Variants in RGS5 observed in about 807,000 individuals in gnomAD.
RGS5 encodes the protein regulator of G protein signaling 5.
Under a neutral mutation model 18.9 loss-of-function variants are expected in RGS5, and 20 were observed. The ratio of observed to expected loss-of-function variants is 1.06; its 90% CI spans 0.74 to 1.54. RGS5 has a LOEUF of 1.54. Among genes scored for constraint, RGS5 ranks in the 40% most tolerant of loss-of-function variants. The pLI, the probability that RGS5 is intolerant of heterozygous loss-of-function variation, is 0.00. For missense variants in RGS5, 201 were observed against 211.8 expected, an observed-to-expected ratio of 0.95 and a Z score of 0.32; for synonymous variants, 57 against 76.2, an observed-to-expected ratio of 0.75 and a Z score of 1.31.
At chr1:163,267,852 C>T (rs1222759096) in intron 2 of RGS5, among the ~76,000 whole-genome samples, 1 of 151,944 alleles carries the variant, frequency 6.6e-6, no homozygotes, top group Non-Finnish European at 1.5e-5. Flanking sequence ...TGATGCCTAC[C>T]CTTCATAAAT....
At chr1:163,315,179 T>C (rs1649988055) in intron 1 of RGS5, among the ~76,000 whole-genome samples, 1 of 152,258 alleles carries the variant, frequency 6.6e-6, no homozygotes, top group East Asian at 1.9e-4. Flanking sequence ...GTATTTTTCC[T>C]GAGAATCTCA....
intron 1 of RGS5, among the ~76,000 whole-genome samples, chr1:163,180,237 A>C (rs561259502): frequency 6.6e-6 from 1 of 152,226 alleles, no homozygotes; most frequent in Admixed American, 6.5e-5. Flanking sequence ...CGGCCTCCTC[A>C]AGTGCTGGAA....
chr1:163,147,582 C>A, intron 4 of RGS5, 79 bp from the exon 5 acceptor site: 1 of 1,271,694 alleles, frequency 7.9e-7, no homozygotes, highest in Non-Finnish European at 1.1e-6. Flanking sequence ...GGTGGAATTT[C>A]TCATCAATAA....
At chr1:163,270,153 G>C (rs1648680680) in intron 2 of RGS5, among the ~76,000 whole-genome samples, 1 of 151,896 alleles carries the variant, frequency 6.6e-6, no homozygotes, top group South Asian at 2.1e-4. Context: ...ATGCACTTGG[G>C]GTCACTTCCT....
intron 1 of RGS5, among the ~76,000 whole-genome samples, chr1:163,202,464 G>A (rs1659809956): frequency 6.6e-6 from 1 of 152,094 alleles, no homozygotes; most frequent in Admixed American, 6.6e-5. Context: ...TTCTAATCTA[G>A]ACAGTTTAAT....
At chr1:163,302,334 G>A (rs1649574352) in intron 2 of RGS5, among the ~76,000 whole-genome samples, 1 of 152,110 alleles carries the variant, frequency 6.6e-6, no homozygotes, top group South Asian at 2.1e-4. Flanking sequence ...TCATACAGAA[G>A]GAGAATGTGG....
intron 2 of RGS5, among the ~76,000 whole-genome samples, chr1:163,287,930 C>T (rs1362820969): frequency 6.6e-6 from 1 of 152,208 alleles, no homozygotes; most frequent in African/African-American, 2.4e-5. Flanking sequence ...GTAATTTGCA[C>T]TGCATTCCCT....
chr1:163,200,877 T>A (rs1453313863), intron 1 of RGS5, among the ~76,000 whole-genome samples: 1 of 152,152 alleles, frequency 6.6e-6, no homozygotes, highest in Non-Finnish European at 1.5e-5. Flanking sequence ...AATAAAGTGA[T>A]CCAATATTAA....
chr1:163,159,796 C>T (rs1489716401), intron 3 of RGS5, among the ~76,000 whole-genome samples: 1 of 152,110 alleles, frequency 6.6e-6, no homozygotes, highest in Non-Finnish European at 1.5e-5. Context: ...CATACACATA[C>T]ATACTACATA....
chr1:163,249,201 T>A (rs10799904), intron 2 of RGS5, among the ~76,000 whole-genome samples: 1 of 151,234 alleles, frequency 6.6e-6, no homozygotes, highest in Admixed American at 6.6e-5. Flanking sequence ...TTCACTTCAA[T>A]ATTATCTTCT....
chr1:163,243,661 A>AAAC (rs1553223269), intron 2 of RGS5, among the ~76,000 whole-genome samples: 3 of 151,100 alleles, frequency 2.0e-5, no homozygotes, highest in Non-Finnish European at 4.4e-5. Context: ...AAAAAAAAAA[A>AAAC]AAAACCTAGA....
intron 2 of RGS5, among the ~76,000 whole-genome samples, chr1:163,223,349 C>G (rs963023043): frequency 6.6e-6 from 1 of 152,176 alleles, no homozygotes; most frequent in African/African-American, 2.4e-5. Context: ...GTGGCATCTC[C>G]TACTGCAATC....
intron 1 of RGS5, among the ~76,000 whole-genome samples, chr1:163,311,892 A>G (rs1649873507): frequency 6.6e-6 from 1 of 152,254 alleles, no homozygotes. Context: ...TGGGGTTGCC[A>G]CATACCTTTA....
rs141252774 is a variant in RGS5 at position 163,197,068 on chromosome 1, A to G, written c.44+5724T>C. Reference sequence around the variant, plus strand: ...CCCTGAATAAATCTCTTCCATCCTCAGAGTTGGGAACAGATGAGCACTGGA... The same window carrying G: ...CCCTGAATAAATCTCTTCCATCCTCGGAGTTGGGAACAGATGAGCACTGGA... On this transcript the variant is annotated intron_variant, in intron 1 of 4. Transcript: ENST00000313961. Among the ~76,000 whole-genome samples the G allele has an allele frequency of 5.3e-5, 8 of 152,292 alleles. No individual in the cohort carries two copies. In the East Asian group the frequency reaches 1.5e-3, roughly 29 times the overall value.
chr1:163,288,566 C>CT (rs1649202742), intron 2 of RGS5, among the ~76,000 whole-genome samples: 2 of 152,214 alleles, frequency 1.3e-5, no homozygotes, highest in South Asian at 2.1e-4. Flanking sequence ...TCTATTGATT[C>CT]TTTTTTTCCT....
intron 2 of RGS5, among the ~76,000 whole-genome samples, chr1:163,274,310 A>G (rs1648796425): frequency 7.4e-6 from 1 of 134,626 alleles, no homozygotes; most frequent in African/African-American, 2.5e-5. Flanking sequence ...AAGAGAAGGG[A>G]GCTGGAGATT....
chr1:163,231,800 G>T (rs575958397), intron 2 of RGS5, among the ~76,000 whole-genome samples: 9 of 149,804 alleles, frequency 6.0e-5, no homozygotes, highest in Admixed American at 2.0e-4. Context: ...TTATCTTCAG[G>T]GTTAAAATTG....
intron 1 of RGS5, among the ~76,000 whole-genome samples, chr1:163,174,743 G>A (rs1658472192): frequency 6.6e-6 from 1 of 152,108 alleles, no homozygotes; most frequent in African/African-American, 2.4e-5. Flanking sequence ...AATTTTTCAG[G>A]ATTTAAAAGA....
At chr1:163,265,559 GC>G (rs1277033195) in intron 2 of RGS5, among the ~76,000 whole-genome samples, 1 of 151,826 alleles carries the variant, frequency 6.6e-6, no homozygotes, top group Non-Finnish European at 1.5e-5. Context: ...TTTGAACTTT[GC>G]AACCTTCTCT....
Sources: gnomAD v4.1 joint callset for allele counts (sites outside exome capture counted in the v4.1 genomes callset) on GRCh38, gnomAD v4.1.1 for gene constraint, MANE v1.5 for transcripts, NCBI Gene and HGNC (gene_info 2026-07-23, HGNC 2026-07-21) for gene names.